CRTAC1: variants seen among roughly 807,000 people sequenced by gnomAD.
The protein encoded by CRTAC1 is cartilage acidic protein 1.
Under a neutral mutation model 67.8 loss-of-function variants are expected in CRTAC1, and 37 were observed. The observed-to-expected ratio is 0.55, with a 90% CI of 0.42 to 0.72. The LOEUF (loss-of-function observed/expected upper bound fraction) is 0.72. Ranked by LOEUF, CRTAC1 falls within the 30% of genes least tolerant of loss-of-function variation. The pLI, the probability that CRTAC1 is intolerant of heterozygous loss-of-function variation, is 0.00. For missense variants in CRTAC1, 780 were observed against 931.6 expected, an observed-to-expected ratio of 0.84 and a Z score of 2.12; for synonymous variants, 348 against 371.0, an observed-to-expected ratio of 0.94 and a Z score of 0.71.
At chr10:98,013,115 G>C (rs998519991) in intron 1 of CRTAC1, among the ~76,000 whole-genome samples, 6 of 152,288 alleles carry the variant, frequency 3.9e-5, no homozygotes, top group African/African-American at 1.4e-4. Flanking sequence ...AAGGTCATTG[G>C]ACTTTTCAAG....
rs1460590054 is a variant in CRTAC1, at chr10:97,865,661, C to T, written c.1873G>A (p.Ala625Thr). The T allele has an allele frequency of 1.2e-6, 2 of 1,610,486 alleles. No homozygotes were observed. Among genetic ancestry groups the T allele is most frequent in the Non-Finnish European group, 1.7e-6 (2 of 1,178,454 alleles). The change falls in exon 15 of 15, where the codon GCC (alanine) becomes ACC (threonine). Residue 625 changes from alanine (A) to threonine (T), a missense_variant. By Grantham distance (58) the Ala-to-Thr change is moderately conservative (BLOSUM62 0). Transcript: ENST00000370597. ...PRPTTPTAAA[A>T]TAAAAAAAGA... ...GCAGCGGCAGCAGCAGCGGCAGTGG[C>T]AGCAGCAGCGGTGGGGGTGGTGGGG...
chr10:98,005,100 A>ATATTTT, intron 2 of CRTAC1, among the ~76,000 whole-genome samples: 9 of 48,884 alleles, frequency 1.8e-4, no homozygotes, highest in African/African-American at 3.5e-4. Flanking sequence ...ATATATATAT[A>ATATTTT]TTTTTTTTTT....
At chr10:97,954,655 G>A (rs1019387426) in intron 2 of CRTAC1, among the ~76,000 whole-genome samples, 17 of 152,226 alleles carry the variant, frequency 1.1e-4, no homozygotes, top group African/African-American at 3.1e-4. Flanking sequence ...GGGCCATGTC[G>A]GGGCAATGAC....
intron 2 of CRTAC1, among the ~76,000 whole-genome samples, chr10:97,990,593 G>A (rs1842426550): frequency 6.6e-6 from 1 of 152,190 alleles, no homozygotes; most frequent in Non-Finnish European, 1.5e-5. Context: ...TATGAATTCT[G>A]ATAAAAGATT....
At position 98,006,588 on chromosome 10, in the gene CRTAC1, A is replaced by G. The variant is rs189531754; in HGVS notation, c.224+4550T>C. ...CCGACCCGCAACAAGCTCAAAATCA[A>G]TGCTGTCAATACCCAGAACGAGGAC... On this transcript the variant is annotated intron_variant, in intron 2 of 14. Coordinates refer to ENST00000370597, the MANE Select transcript of CRTAC1 (RefSeq NM_018058.7). 2.7e-3 allele frequency among the ~76,000 whole-genome samples: 409 copies of G among 152,348 alleles called. 1 individual carries two copies. The highest frequency in any genetic ancestry group is 9.2e-3 in the African/African-American group (384 of 41,580).
At position 97,895,456 on chromosome 10, in the gene CRTAC1, TG is replaced by T; in HGVS notation, c.1318-44del. On this transcript the variant is annotated intron_variant, in intron 10 of 14. Coordinates refer to ENST00000370597, the MANE Select transcript of CRTAC1 (RefSeq NM_018058.7). This position sits in a 1 kb window ranked among gnomAD's most constrained non-coding sequence, Gnocchi z 4.2. Reference sequence around the variant, plus strand: ...GGCAGACACCCGGTGGGCATCAGCATGGTGGGTGGGAAGAGCAGGGAGCCAG... The same window carrying T: ...GGCAGACACCCGGTGGGCATCAGCATGTGGGTGGGAAGAGCAGGGAGCCAG... The T allele has an allele frequency of 6.5e-7, 1 of 1,538,258 alleles. No homozygotes were observed. Among genetic ancestry groups the T allele is most frequent in the Non-Finnish European group, 8.7e-7 (1 of 1,143,290 alleles).
intron 14 of CRTAC1, among the ~76,000 whole-genome samples, chr10:97,872,332 C>T (rs1274991117): frequency 2.0e-5 from 3 of 152,194 alleles, no homozygotes; most frequent in Non-Finnish European, 4.4e-5. Flanking sequence ...CAAGTGGTCA[C>T]CTTATAACTC....
At chr10:97,917,920 C>G (rs1247544059) in intron 4 of CRTAC1, among the ~76,000 whole-genome samples, 1 of 152,172 alleles carries the variant, frequency 6.6e-6, no homozygotes, top group East Asian at 1.9e-4. Flanking sequence ...GAACACACCC[C>G]TCCCTCTCCC....
At chr10:97,980,607 T>C (rs2051878434) in intron 2 of CRTAC1, among the ~76,000 whole-genome samples, 1 of 152,174 alleles carries the variant, frequency 6.6e-6, no homozygotes, top group Non-Finnish European at 1.5e-5. Flanking sequence ...CATTCGATCA[T>C]GTAGTCCAAC....
At chr10:97,874,547 C>A (rs889560179) in intron 14 of CRTAC1, among the ~76,000 whole-genome samples, 1 of 152,136 alleles carries the variant, frequency 6.6e-6, no homozygotes, top group African/African-American at 2.4e-5. Flanking sequence ...TCTCCCACCA[C>A]AGGTGTCCTG....
chr10:97,866,182 T>C (rs112863923), intron 14 of CRTAC1: 86 of 157,632 alleles, frequency 5.5e-4, no homozygotes, highest in Non-Finnish European at 8.8e-4. Flanking sequence ...CTCATGCCCC[T>C]GCAGGGCCCC....
At position 98,029,491 on chromosome 10, in the gene CRTAC1, A is replaced by AGCGGCGGCGGCGGCG. The variant is rs71007374; in HGVS notation, c.24+943_24+957dup. Among the ~76,000 whole-genome samples the AGCGGCGGCGGCGGCG allele has an allele frequency of 2.9e-3, 412 of 140,438 alleles. 3 individuals carry two copies. The highest frequency in any genetic ancestry group is 6.1e-3 in the African/African-American group (217 of 35,364). The allele number at this position is 140,438 out of a possible 152,430, so 92.1% of individuals were successfully genotyped here. A position where few individuals can be genotyped will look rare whatever the true frequency, so the allele number is the denominator to read the frequency against. On this transcript the variant is annotated intron_variant, in intron 1 of 14. Coordinates refer to ENST00000370597, the MANE Select transcript of CRTAC1 (RefSeq NM_018058.7). The surrounding 1 kb of genome is among the most constrained non-coding windows in gnomAD (Gnocchi z 4.7). ...ACTGGGTGCACCCACCAGCAGCAGC[A>AGCGGCGGCGGCGGCG]GCGGCGGCGGCGGCGGCGGCGGCGG...
intron 2 of CRTAC1, among the ~76,000 whole-genome samples, chr10:97,985,918 G>C (rs2051974258): frequency 6.6e-6 from 1 of 152,116 alleles, no homozygotes; most frequent in African/African-American, 2.4e-5. Flanking sequence ...AGTGTCCCTG[G>C]CCAGCAAGGG....
At chr10:97,988,563 T>C (rs142594776) in intron 2 of CRTAC1, among the ~76,000 whole-genome samples, 78 of 152,126 alleles carry the variant, frequency 5.1e-4, no homozygotes, top group African/African-American at 1.8e-3. Context: ...CTACTAAAAA[T>C]ATAAAAATTA....
At chr10:97,875,780 C>G (rs555803063) in intron 14 of CRTAC1, 2 of 152,218 alleles carry the variant, frequency 1.3e-5, no homozygotes, top group Admixed American at 1.3e-4. Flanking sequence ...CTGCTTCGGC[C>G]GAGGTCCAGT....
chr10:98,026,343 C>T (rs780560293), intron 1 of CRTAC1, among the ~76,000 whole-genome samples: 1 of 152,312 alleles, frequency 6.6e-6, no homozygotes, highest in African/African-American at 2.4e-5. Flanking sequence ...TCTGGTGGGG[C>T]TCATAAAAGC....
rs116471857 is a variant in CRTAC1, at chr10:97,897,745, G to A, written c.1134-754C>T. 3.2e-3 allele frequency among the ~76,000 whole-genome samples: 491 copies of A among 152,340 alleles called. 2 individuals carry two copies. Among genetic ancestry groups the A allele is most frequent in the African/African-American group, 0.011 (471 of 41,580 alleles). On this transcript the variant is annotated intron_variant, in intron 8 of 14. Coordinates refer to ENST00000370597, the MANE Select transcript of CRTAC1 (RefSeq NM_018058.7). The stretch of plus-strand genomic sequence containing the variant: ...TCTTTCTCTGCACTCAGCTGATGAT[G>A]GCAGTGAGCTTTCCTCTAGAATTTT...
chr10:97,908,266 G>C, intron 5 of CRTAC1, 119 bp from the exon 6 acceptor site: 1 of 1,067,280 alleles, frequency 9.4e-7, no homozygotes, highest in Non-Finnish European at 1.4e-6. Context: ...AGGAGCCTGG[G>C]GGGAATTCTG....
intron 13 of CRTAC1, among the ~76,000 whole-genome samples, chr10:97,881,351 T>A (rs1187314317): frequency 6.6e-6 from 1 of 152,202 alleles, no homozygotes; most frequent in Non-Finnish European, 1.5e-5. Context: ...ATCCTTCTCA[T>A]CCTTCAGGTC....
Sources: allele counts gnomAD v4.1 joint callset (sites outside exome capture counted in the v4.1 genomes callset), GRCh38; gene constraint gnomAD v4.1.1; non-coding constraint Gnocchi (gnomAD v3.1); transcripts MANE v1.5; gene names NCBI Gene and HGNC (gene_info 2026-07-23, HGNC 2026-07-21).